RANBP2: variants seen among roughly 807,000 people sequenced by gnomAD.
RANBP2 encodes the protein E3 SUMO-protein ligase RanBP2.
A neutral mutation model predicts 303.6 loss-of-function variants in RANBP2; 57 were observed. That is an observed-to-expected ratio of 0.19 (90% CI 0.15 to 0.23). RANBP2 has a LOEUF of 0.23. Among genes scored for constraint, RANBP2 ranks in the 10% least tolerant of loss-of-function variants. RANBP2 has a pLI of 1.00. For synonymous variants in RANBP2, 1,167 were observed against 1,301.5 expected (o/e 0.90, Z 2.23); for missense variants, 3,138 against 3,780.8 (o/e 0.83, Z 4.46).
At chr2:109,464,253 G>C in the RANBP2 span, among the ~76,000 whole-genome samples, 12 of 152,218 alleles carry the variant, frequency 7.9e-5, no homozygotes, top group Middle Eastern at 3.4e-3. Context: ...TACACACACA[G>C]ATACACATCC....
At chr2:109,533,365 C>A in the RANBP2 span, among the ~76,000 whole-genome samples, 1 of 152,198 alleles carries the variant, frequency 6.6e-6, no homozygotes, top group African/African-American at 2.4e-5. Flanking sequence ...CTCTGTGTAT[C>A]TTTAAAAGAA....
chr2:109,506,547 A>C, the RANBP2 span, among the ~76,000 whole-genome samples: 5,113 of 152,300 alleles, frequency 0.034, 248 homozygotes, highest in African/African-American at 0.11. Context: ...GGCTTCTCAG[A>C]TGGAGGGAAG....
chr2:108,830,157 A>G, the RANBP2 span, among the ~76,000 whole-genome samples: 2 of 152,340 alleles, frequency 1.3e-5, no homozygotes, highest in Non-Finnish European at 2.9e-5. Flanking sequence ...GCTAGACACC[A>G]GATGACAAAT....
At chr2:109,008,604 A>G in the RANBP2 span, among the ~76,000 whole-genome samples, 1 of 151,926 alleles carries the variant, frequency 6.6e-6, no homozygotes, top group Non-Finnish European at 1.5e-5. Context: ...AAAAAAAAAA[A>G]AAAAAATCCA....
chr2:109,668,712 A>G, the RANBP2 span, among the ~76,000 whole-genome samples: 5 of 152,264 alleles, frequency 3.3e-5, no homozygotes, highest in Admixed American at 3.3e-4. Flanking sequence ...TTTGATGACT[A>G]TAGGCCAGTT....
At chr2:108,964,819 C>T in the RANBP2 span, among the ~76,000 whole-genome samples, 1 of 152,170 alleles carries the variant, frequency 6.6e-6, no homozygotes, top group African/African-American at 2.4e-5. Context: ...GAAGACCTTC[C>T]AGAGAGCCAC....
the RANBP2 span, among the ~76,000 whole-genome samples, chr2:108,943,452 C>G: frequency 6.6e-6 from 1 of 152,200 alleles, no homozygotes; most frequent in Non-Finnish European, 1.5e-5. Context: ...ATTCATCTCT[C>G]TACCCTGTGC....
At chr2:109,654,948 G>A in the RANBP2 span, among the ~76,000 whole-genome samples, 4 of 151,542 alleles carry the variant, frequency 2.6e-5, no homozygotes, top group African/African-American at 9.7e-5. Flanking sequence ...AGTCACCCAG[G>A]CTAGAGCGCA....
chr2:109,392,215 C>G, the RANBP2 span, among the ~76,000 whole-genome samples: 4 of 152,098 alleles, frequency 2.6e-5, no homozygotes. Flanking sequence ...TGAATATATT[C>G]TTTTTTTTAC....
At chr2:108,792,348 A>G in the RANBP2 span, among the ~76,000 whole-genome samples, 1 of 152,130 alleles carries the variant, frequency 6.6e-6, no homozygotes, top group Non-Finnish European at 1.5e-5. Context: ...TATTCTCATC[A>G]TTTGAGGAAG....
Position 108,753,891 on chromosome 2 carries a change from A to T in RANBP2, c.2122A>T (p.Lys708Ter). The T allele has an allele frequency of 6.2e-7, 1 of 1,612,050 alleles. No homozygotes were observed. Among genetic ancestry groups the T allele is most frequent in the Non-Finnish European group, 8.5e-7 (1 of 1,179,866 alleles). The change falls in exon 15 of 29, where the codon AAA (lysine) becomes TAA (stop). Residue 708 changes from lysine (K) to a stop codon, truncating the protein, a stop_gained. Coordinates refer to ENST00000283195, the MANE Select transcript of RANBP2 (RefSeq NM_006267.5). LOFTEE classifies it high-confidence loss of function. Reference protein sequence around the residue: ...ALSPEEQEECKNYLRKTRDYL... With the variant: ...ALSPEEQEEC ...TTCTCCTGAAGAACAAGAAGAATGC[A>T]AAAATTATCTGAGAAAGACCAGGGA...
Position 108,772,561 on chromosome 2 carries a change from C to T in RANBP2, c.8093C>T (p.Pro2698Leu), listed in dbSNP as rs373856088. 20 of 1,613,232 alleles carry T rather than the reference C, an allele frequency of 1.2e-5. No homozygotes were observed. Among genetic ancestry groups the T allele is most frequent in the East Asian group, 2.2e-5 (1 of 44,802 alleles). ...TTGGATGGCTCAGAAAAATGTAGAC[C>T]CTTGGAAGAAAATACAGCAGGTATG... ...LYLDGSEKCR[P>L]LEENTADNEK... Residue 2698 changes from proline (P) to leucine (L), a missense_variant, in exon 22 of 29, where the codon CCC becomes CTC. Physicochemically the swap from Pro to Leu is moderately conservative, Grantham distance 98 (BLOSUM62 -3). Transcript: ENST00000283195.
chr2:109,660,974 GT>G, the RANBP2 span, among the ~76,000 whole-genome samples: 1 of 152,128 alleles, frequency 6.6e-6, no homozygotes, highest in Non-Finnish European at 1.5e-5. Context: ...AGACCTCAAT[GT>G]ACTAATTAGG....
the RANBP2 span, among the ~76,000 whole-genome samples, chr2:109,011,412 A>G: frequency 6.6e-6 from 1 of 152,306 alleles, no homozygotes; most frequent in African/African-American, 2.4e-5. Flanking sequence ...GGAAGTGCCA[A>G]GCCATCCTGA....
At chr2:109,713,809 C>T in the RANBP2 span, among the ~76,000 whole-genome samples, 3 of 152,202 alleles carry the variant, frequency 2.0e-5, no homozygotes, top group Non-Finnish European at 4.4e-5. Flanking sequence ...AATGATTGAT[C>T]GAATGATCGA....
chr2:108,762,034 C>T (rs2949969), intron 18 of RANBP2, 67 bp from the exon 19 acceptor site: 2 of 1,585,204 alleles, frequency 1.3e-6, no homozygotes, highest in African/African-American at 1.3e-5. Flanking sequence ...ATAGCTCTTG[C>T]CTAGATAGTC....
the RANBP2 span, among the ~76,000 whole-genome samples, chr2:109,668,379 A>G: frequency 6.6e-6 from 1 of 152,116 alleles, no homozygotes; most frequent in Non-Finnish European, 1.5e-5. Context: ...TGTTTATCCT[A>G]GAAAAATACA....
chr2:108,951,397 C>A, the RANBP2 span, among the ~76,000 whole-genome samples: 1 of 152,164 alleles, frequency 6.6e-6, no homozygotes, highest in African/African-American at 2.4e-5. Context: ...CAAGGTCATA[C>A]AGGAATTCGA....
At position 108,731,362 on chromosome 2, in the gene RANBP2, T is replaced by C. The variant is rs1695156297; in HGVS notation, c.293T>C (p.Leu98Ser). ...ELNPTQKDLV[L>S]KIAELLCKND... ...AACCCAACACAAAAAGATCTTGTGT[T>C]GAAGATTGCAGAATTGCTTTGTAAA... Residue 98 changes from leucine to serine, a missense_variant, in exon 4 of 29, where the codon TTG becomes TCG. Leu to Ser is a moderately radical substitution (Grantham distance 145). Around this residue, in one of 20 missense-constraint regions of RANBP2, gnomAD observed 306 missense variants for 381.9 expected, o/e 0.80. Transcript: ENST00000283195. The C allele has an allele frequency of 6.2e-7, 1 of 1,611,480 alleles. No homozygotes were observed. The highest frequency in any genetic ancestry group is 2.2e-5 in the East Asian group (1 of 44,772).
Sources: allele counts gnomAD v4.1 joint callset (sites outside exome capture counted in the v4.1 genomes callset), GRCh38; gene constraint gnomAD v4.1.1; regional missense constraint gnomAD v4.1.1; transcripts MANE v1.5; gene names NCBI Gene and HGNC (gene_info 2026-07-23, HGNC 2026-07-21).